The following CCDC172 variants were observed in gnomAD, a reference collection of about 807,000 sequenced individuals.
CCDC172 encodes the protein coiled-coil domain containing 172, also known as coiled-coil domain-containing protein 172.
CCDC172 carries 30 observed loss-of-function variants against 38.0 expected under a neutral mutation model. The ratio of observed to expected loss-of-function variants is 0.79; its 90% CI spans 0.59 to 1.07. The LOEUF is 1.07. Among genes scored for constraint, CCDC172 ranks in the 50% least tolerant of loss-of-function variants. The pLI is 0.00. For synonymous variants in CCDC172, 78 were observed against 88.3 expected (o/e 0.88, Z 0.66); for missense variants, 297 against 290.1 (o/e 1.02, Z -0.17).
intron 5 of CCDC172, among the ~76,000 whole-genome samples, chr10:116,353,664 AT>A (rs1369159547): frequency 6.6e-5 from 10 of 152,230 alleles, no homozygotes; most frequent in African/African-American, 2.2e-4. Flanking sequence ...GGTATTGATG[AT>A]CCTGACCTTG....
intron 5 of CCDC172, among the ~76,000 whole-genome samples, chr10:116,349,960 A>G (rs1844911524): frequency 1.3e-5 from 2 of 152,178 alleles, no homozygotes; most frequent in African/African-American, 4.8e-5. Context: ...AGGGAATCAA[A>G]CAAGTGAATA....
intron 5 of CCDC172, among the ~76,000 whole-genome samples, chr10:116,344,621 CT>C (rs1214928427): frequency 6.6e-6 from 1 of 152,044 alleles, no homozygotes; most frequent in Non-Finnish European, 1.5e-5. Context: ...CTACTGTAAA[CT>C]TTATAAACAC....
intron 5 of CCDC172, among the ~76,000 whole-genome samples, chr10:116,348,725 T>G (rs1480893731): frequency 6.6e-6 from 1 of 152,184 alleles, no homozygotes; most frequent in Admixed American, 6.6e-5. Flanking sequence ...CAGCATCTAG[T>G]GCCTCTCCAC....
At chr10:116,356,255 G>A (rs1043466471) in intron 5 of CCDC172, among the ~76,000 whole-genome samples, 2 of 151,810 alleles carry the variant, frequency 1.3e-5, no homozygotes, top group Non-Finnish European at 2.9e-5. Context: ...GCTTGAACCC[G>A]GGAGGCAAAA....
At chr10:116,374,344 T>C (rs956761215) in intron 7 of CCDC172, among the ~76,000 whole-genome samples, 2 of 152,176 alleles carry the variant, frequency 1.3e-5, no homozygotes, top group African/African-American at 4.8e-5. Context: ...GTTCCTAAGA[T>C]CTACAGTGCA....
intron 2 of CCDC172, 58 bp downstream of exon 2, chr10:116,325,148 G>C: frequency 1.9e-6 from 3 of 1,568,608 alleles, no homozygotes; most frequent in Non-Finnish European, 1.8e-6. Context: ...TGGGTGCTTG[G>C]AGCAGAAGGA....
At chr10:116,360,650 G>A (rs1293817705) in intron 7 of CCDC172, among the ~76,000 whole-genome samples, 1 of 151,978 alleles carries the variant, frequency 6.6e-6, no homozygotes, top group Non-Finnish European at 1.5e-5. Flanking sequence ...CAGTCTGATC[G>A]GTGAATCTGG....
At chr10:116,332,986 A>T (rs921169368) in intron 3 of CCDC172, among the ~76,000 whole-genome samples, 1 of 152,074 alleles carries the variant, frequency 6.6e-6, no homozygotes, top group Non-Finnish European at 1.5e-5. Flanking sequence ...TCTCTTTTTT[A>T]ACACTCTAAT....
At chr10:116,371,602 A>G (rs1198920523) in intron 7 of CCDC172, among the ~76,000 whole-genome samples, 1 of 152,030 alleles carries the variant, frequency 6.6e-6, no homozygotes, top group Non-Finnish European at 1.5e-5. Context: ...AGATCAATTT[A>G]TATAGTTTTT....
At chr10:116,335,345 A>G (rs1844715157) in intron 3 of CCDC172, among the ~76,000 whole-genome samples, 1 of 151,686 alleles carries the variant, frequency 6.6e-6, no homozygotes, top group Non-Finnish European at 1.5e-5. Context: ...TCTGTTTTAT[A>G]TATTCTATAC....
At chr10:116,361,643 C>T (rs538298518) in intron 7 of CCDC172, among the ~76,000 whole-genome samples, 7 of 152,192 alleles carry the variant, frequency 4.6e-5, no homozygotes, top group Non-Finnish European at 7.4e-5. Flanking sequence ...AGCATATTTG[C>T]AATGTAAGCT....
At chr10:116,357,617 A>G (rs1845015135) in intron 6 of CCDC172, 136 bp downstream of exon 6, 3 of 852,358 alleles carry the variant, frequency 3.5e-6, no homozygotes, top group Non-Finnish European at 5.1e-6. Context: ...AAATAGATAA[A>G]ACACTAATCA....
chr10:116,342,059 AGAG>A lies in CCDC172; in HGVS notation c.312_314del (p.Glu105del). On this transcript the variant is annotated inframe_deletion, in exon 5 of 9. Coordinates refer to ENST00000333254, the MANE Select transcript of CCDC172 (RefSeq NM_198515.3). Reference sequence around the variant, plus strand: ...AGGAGGCTATAAAGAAACAAATGATAGAGGAGGAAGACAAATTTATTAAGGAAA... The same window carrying A: ...AGGAGGCTATAAAGAAACAAATGATAGAGGAAGACAAATTTATTAAGGAAA... 6.6e-7 allele frequency: 1 copy of A among 1,519,756 alleles called. No individual in the cohort carries two copies. The highest frequency in any genetic ancestry group is 1.3e-5 in the South Asian group (1 of 79,632). The allele number at this position is 1,519,756 out of a possible 1,614,324, so 94.1% of individuals were successfully genotyped here. A position where few individuals can be genotyped will look rare whatever the true frequency, so the allele number is the denominator to read the frequency against.
intron 1 of CCDC172, 121 bp from the exon 2 acceptor site, chr10:116,324,826 C>A: frequency 1.7e-6 from 1 of 602,788 alleles, no homozygotes; most frequent in South Asian, 2.0e-5. Flanking sequence ...GACCCTCAGA[C>A]CCCTCAGACA....
At chr10:116,367,011 C>T (rs887255611) in intron 7 of CCDC172, among the ~76,000 whole-genome samples, 1 of 151,956 alleles carries the variant, frequency 6.6e-6, no homozygotes, top group Non-Finnish European at 1.5e-5. Flanking sequence ...TGTCTTTTTC[C>T]TATTAATTTC....
chr10:116,376,652 G>C (rs1269204923), intron 7 of CCDC172, among the ~76,000 whole-genome samples: 1 of 152,046 alleles, frequency 6.6e-6, no homozygotes, highest in African/African-American at 2.4e-5. Flanking sequence ...TACAATTGTT[G>C]GCTCTTTGTT....
chr10:116,350,443 A>C (rs1343017294), intron 5 of CCDC172, among the ~76,000 whole-genome samples: 1 of 152,216 alleles, frequency 6.6e-6, no homozygotes, highest in Non-Finnish European at 1.5e-5. Flanking sequence ...ATAAGTGTTA[A>C]GGTTGACTTT....
chr10:116,377,453 G>A (rs12242393), intron 7 of CCDC172, among the ~76,000 whole-genome samples: 18,526 of 152,010 alleles, frequency 0.12, 1,798 homozygotes, highest in African/African-American at 0.26. Context: ...TTCATTAAGA[G>A]GGTAATAAAC....
At chr10:116,377,299 G>A (rs1445308304) in intron 7 of CCDC172, among the ~76,000 whole-genome samples, 4 of 152,088 alleles carry the variant, frequency 2.6e-5, no homozygotes, top group Non-Finnish European at 5.9e-5. Context: ...CCTTTGATTG[G>A]TTGCTATGAA....
Sources: allele counts gnomAD v4.1 joint callset (sites outside exome capture counted in the v4.1 genomes callset), GRCh38; gene constraint gnomAD v4.1.1; transcripts MANE v1.5; gene names NCBI Gene and HGNC (gene_info 2026-07-23, HGNC 2026-07-21).